The following GBF1 variants were observed in gnomAD, a reference collection of about 807,000 sequenced individuals.
GBF1 encodes the protein golgi brefeldin A resistant guanine nucleotide exchange factor 1, also known as Golgi-specific brefeldin A-resistance guanine nucleotide exchange factor 1.
In GBF1, 114 loss-of-function variants were observed where a neutral mutation model predicts 210.5. The observed-to-expected ratio is 0.54, with a 90% CI of 0.47 to 0.63. The LOEUF is 0.63. GBF1 is among the 30% of genes least tolerant of loss of function. The pLI is 0.00. For missense variants in GBF1, 1,851 were observed against 2,357.7 expected (o/e 0.79, Z 4.45); for synonymous variants, 850 against 889.2 (o/e 0.96, Z 0.78).
intron 3 of GBF1, among the ~76,000 whole-genome samples, chr10:102,268,983 A>T (rs1158423177): frequency 6.6e-6 from 1 of 152,116 alleles, no homozygotes; most frequent in African/African-American, 2.4e-5. Flanking sequence ...TCTCAGTTTT[A>T]CTCTAGGAAA....
At chr10:102,345,935 A>G (rs145824122) in intron 4 of GBF1, among the ~76,000 whole-genome samples, 49 of 151,990 alleles carry the variant, frequency 3.2e-4, no homozygotes, top group African/African-American at 1.1e-3. Context: ...AGCCCCTTGT[A>G]TGATTTTTTT....
chr10:102,311,572 T>C (rs2078435184), intron 3 of GBF1, among the ~76,000 whole-genome samples: 1 of 152,242 alleles, frequency 6.6e-6, no homozygotes, highest in African/African-American at 2.4e-5. Flanking sequence ...TGATGGGAAC[T>C]TACGAACCTT....
chr10:102,344,235 C>G (rs371139349), intron 4 of GBF1, 53 bp downstream of exon 4: 2 of 1,588,614 alleles, frequency 1.3e-6, no homozygotes, highest in East Asian at 2.2e-5. Flanking sequence ...CCCACCTTTC[C>G]TGGGGTGCCC....
At chr10:102,260,023 A>T in intron 2 of GBF1, 27 bp from the exon 3 acceptor site, 13 of 1,352,156 alleles carry the variant, frequency 9.6e-6, no homozygotes, top group Non-Finnish European at 1.4e-5. Flanking sequence ...CCCAATAATG[A>T]CTTACTTTAA....
chr10:102,263,097 A>G (rs923162094), intron 3 of GBF1, among the ~76,000 whole-genome samples: 1 of 152,188 alleles, frequency 6.6e-6, no homozygotes, highest in Non-Finnish European at 1.5e-5. Context: ...TATGGTCTTC[A>G]TATTGCTTCT....
At chr10:102,230,644 C>T in the GBF1 span, 2 of 1,603,598 alleles carry the variant, frequency 1.2e-6, no homozygotes, top group Admixed American at 1.7e-5. Flanking sequence ...GCTCGAGTTA[C>T]ACGGGTCCCG....
chr10:102,297,608 CCTT>C (rs1056490757), intron 3 of GBF1, among the ~76,000 whole-genome samples: 1 of 152,122 alleles, frequency 6.6e-6, no homozygotes, highest in African/African-American at 2.4e-5. Context: ...TTCTTTTTTA[CCTT>C]CTTATACTAC....
In GBF1 at chr10:102,376,610, C is replaced by A. The variant is rs775142044; in HGVS notation, c.4098C>A (p.Gly1366=). The change falls in exon 32 of 40, where the codon GGC becomes GGA. Residue 1366 remains glycine, a synonymous_variant. Coordinates refer to ENST00000369983, the MANE Select transcript of GBF1 (RefSeq NM_001377137.1). ...CCAAGCCAGGGCCCAGCCGCCCAGGCCCTTCACCCCTGATCAATCAATACA... is the reference window on the plus strand; with the variant it reads ...CCAAGCCAGGGCCCAGCCGCCCAGGACCTTCACCCCTGATCAATCAATACA... The part of the protein sequence containing the change: ...DNSKPGPSRP[G]PSPLINQYSL... The A allele has an allele frequency of 2.4e-5, 39 of 1,613,522 alleles. No individual in the cohort carries two copies. Among genetic ancestry groups the A allele is most frequent in the Non-Finnish European group, 3.3e-5 (39 of 1,179,568 alleles).
intron 3 of GBF1, among the ~76,000 whole-genome samples, chr10:102,316,858 A>G (rs2078978737): frequency 6.6e-6 from 1 of 152,216 alleles, no homozygotes; most frequent in South Asian, 2.1e-4. Context: ...ACAAAATAAT[A>G]TTCACTGAAG....
intron 3 of GBF1, among the ~76,000 whole-genome samples, chr10:102,322,484 A>T (rs1038494314): frequency 6.6e-6 from 1 of 152,078 alleles, no homozygotes; most frequent in Non-Finnish European, 1.5e-5. Context: ...AGGAAATAGG[A>T]TTTCTCCCCA....
intron 4 of GBF1, among the ~76,000 whole-genome samples, chr10:102,349,640 T>C (rs561450820): frequency 7.9e-5 from 12 of 152,166 alleles, no homozygotes; most frequent in Non-Finnish European, 1.5e-4. Context: ...GGAGCAACTT[T>C]CTCTGTCACT....
At chr10:102,370,097 T>C in intron 26 of GBF1, 77 bp from the exon 27 acceptor site, 2 of 1,515,356 alleles carry the variant, frequency 1.3e-6, no homozygotes, top group Admixed American at 3.3e-5. Flanking sequence ...GACTCTGCCC[T>C]CTCCCCCTGG....
At chr10:102,314,626 A>G (rs1174630387) in intron 3 of GBF1, among the ~76,000 whole-genome samples, 2 of 152,120 alleles carry the variant, frequency 1.3e-5, no homozygotes, top group Non-Finnish European at 1.5e-5. Flanking sequence ...CCTGGCTTCA[A>G]GGCTTGAATT....
At chr10:102,272,444 T>G (rs781562136) in intron 3 of GBF1, among the ~76,000 whole-genome samples, 22 of 152,260 alleles carry the variant, frequency 1.4e-4, no homozygotes, top group Non-Finnish European at 5.9e-5. Context: ...TTGCTTCTTA[T>G]GGTGACTGCC....
At chr10:102,266,962 G>C (rs1359150548) in intron 3 of GBF1, among the ~76,000 whole-genome samples, 1 of 152,184 alleles carries the variant, frequency 6.6e-6, no homozygotes, top group Non-Finnish European at 1.5e-5. Flanking sequence ...GTCTGAGCTA[G>C]GAGGTTTGAG....
chr10:102,294,386 C>CTTT (rs56033220), intron 3 of GBF1, among the ~76,000 whole-genome samples: 2 of 140,802 alleles, frequency 1.4e-5, no homozygotes, highest in Non-Finnish European at 3.1e-5. Flanking sequence ...TTTTCTTTTT[C>CTTT]TTTTTTTTTT....
At position 102,246,545 on chromosome 10, in the gene GBF1, TTGAC is replaced by T. The variant is rs1380512236; in HGVS notation, c.-11+769_-11+772del. On this transcript the variant is annotated intron_variant, in intron 1 of 39. Coordinates refer to ENST00000369983, the MANE Select transcript of GBF1 (RefSeq NM_001377137.1). ...AGGAAACCACTCTATTATGACATAT[TTGAC>T]TGACAGCAGAGAGAGATATTTGAAT... Among the ~76,000 whole-genome samples, 13 of 152,346 alleles carry T rather than the reference TTGAC, an allele frequency of 8.5e-5. No homozygotes were observed. The East Asian group carries it at 9.6e-4, about 11-fold the overall frequency.
chr10:102,256,049 A>G (rs959212090), intron 1 of GBF1, among the ~76,000 whole-genome samples: 1 of 152,130 alleles, frequency 6.6e-6, no homozygotes, highest in Non-Finnish European at 1.5e-5. Flanking sequence ...GGCCTCAAGC[A>G]ATCCTCCCAC....
At chr10:102,247,628 G>A (rs1303722061) in intron 1 of GBF1, among the ~76,000 whole-genome samples, 1 of 152,018 alleles carries the variant, frequency 6.6e-6, no homozygotes, top group Non-Finnish European at 1.5e-5. Flanking sequence ...GCATCAAAAC[G>A]TTTTCTCTTT....
Sources: gnomAD v4.1 joint callset for allele counts (sites outside exome capture counted in the v4.1 genomes callset) on GRCh38, gnomAD v4.1.1 for gene constraint, MANE v1.5 for transcripts, NCBI Gene and HGNC (gene_info 2026-07-23, HGNC 2026-07-21) for gene names.